Variants in TSPAN9 observed in about 807,000 individuals in gnomAD.
The protein encoded by TSPAN9 is tetraspanin-9.
TSPAN9 carries 16 observed loss-of-function variants against 31.0 expected under a neutral mutation model. That is an observed-to-expected ratio of 0.52 (90% CI 0.35 to 0.78). The LOEUF is 0.78. TSPAN9 is among the 30% of genes least tolerant of loss of function. The pLI, the probability that TSPAN9 is intolerant of heterozygous loss-of-function variation, is 0.01. For synonymous variants in TSPAN9, 145 were observed against 121.6 expected (o/e 1.19, Z -1.27); for missense variants, 272 against 312.5 (o/e 0.87, Z 0.98).
chr12:3,249,842 C>G (rs1300114217), intron 3 of TSPAN9, among the ~76,000 whole-genome samples: 1 of 152,164 alleles, frequency 6.6e-6, no homozygotes, highest in Non-Finnish European at 1.5e-5. Context: ...CTCCAAATCC[C>G]GCATGTTTTC....
intron 3 of TSPAN9, among the ~76,000 whole-genome samples, chr12:3,232,022 C>G (rs1313827521): frequency 6.6e-6 from 1 of 152,210 alleles, no homozygotes; most frequent in African/African-American, 2.4e-5. Context: ...GTCTGTAGGG[C>G]CTTCACCACG....
At chr12:3,182,118 C>T (rs1437314200) in intron 2 of TSPAN9, among the ~76,000 whole-genome samples, 1 of 152,030 alleles carries the variant, frequency 6.6e-6, no homozygotes, top group African/African-American at 2.4e-5. Flanking sequence ...CCTGGACCCC[C>T]GGCCCCCAGT....
At chr12:3,085,989 TAG>T (rs1456254758) in intron 2 of TSPAN9, among the ~76,000 whole-genome samples, 5 of 152,266 alleles carry the variant, frequency 3.3e-5, no homozygotes, top group Admixed American at 3.3e-4. Context: ...CTGTCCTGTG[TAG>T]ACGGCTCTGC....
At chr12:3,135,435 A>T (rs749122121) in intron 2 of TSPAN9, among the ~76,000 whole-genome samples, 10 of 152,094 alleles carry the variant, frequency 6.6e-5, no homozygotes, top group Middle Eastern at 6.8e-3. Context: ...TCCTTCCTTA[A>T]TCCCTGGGAG....
intron 3 of TSPAN9, among the ~76,000 whole-genome samples, chr12:3,224,562 G>A (rs2098386190): frequency 6.6e-6 from 1 of 152,252 alleles, no homozygotes; most frequent in Non-Finnish European, 1.5e-5. Context: ...TCCATGCTGG[G>A]GCAGCCCAGC....
rs2098365026 is a variant in TSPAN9, at chr12:3,192,612, G to C, written c.-17-8565G>C. Among the ~76,000 whole-genome samples, 1 of 152,156 alleles carries C rather than the reference G, an allele frequency of 6.6e-6. No individual in the cohort carries two copies. The highest frequency in any genetic ancestry group is 1.5e-5 in the Non-Finnish European group (1 of 68,024). ...GGTCAGTCCCTCCTGGAGCTGTCTG[G>C]GAGACAGCCAGGGGGATGACAAGCA... On this transcript the variant is annotated intron_variant, in intron 2 of 8. Transcript: ENST00000011898. This position sits in a 1 kb window ranked among gnomAD's most constrained non-coding sequence, Gnocchi z 4.6.
At chr12:3,203,520 T>TA (rs1424172801) in intron 3 of TSPAN9, among the ~76,000 whole-genome samples, 2 of 152,222 alleles carry the variant, frequency 1.3e-5, no homozygotes, top group African/African-American at 4.8e-5. Context: ...ATATTTTCGT[T>TA]ACGGTTGATA....
chr12:3,271,543 A>G (rs1862678040), intron 3 of TSPAN9, among the ~76,000 whole-genome samples: 1 of 78,688 alleles, frequency 1.3e-5, no homozygotes, highest in Non-Finnish European at 2.9e-5. Context: ...AGAGGTATGC[A>G]GAAAAAAAAA....
intron 2 of TSPAN9, among the ~76,000 whole-genome samples, chr12:3,189,007 G>T (rs946675277): frequency 5.3e-5 from 8 of 152,190 alleles, no homozygotes; most frequent in African/African-American, 1.9e-4. Context: ...GCAGAGGAGC[G>T]CGGGTGAGCT....
intron 2 of TSPAN9, among the ~76,000 whole-genome samples, chr12:3,177,969 C>T (rs2098356750): frequency 6.6e-6 from 1 of 152,156 alleles, no homozygotes; most frequent in African/African-American, 2.4e-5. Flanking sequence ...CGATGGGTCT[C>T]TGGGCAGATG....
chr12:3,234,668 G>A (rs1381529480), intron 3 of TSPAN9, among the ~76,000 whole-genome samples: 2 of 152,202 alleles, frequency 1.3e-5, no homozygotes, highest in African/African-American at 4.8e-5. Context: ...CAGAGTGGAA[G>A]CGTGGAGTGG....
intron 5 of TSPAN9, among the ~76,000 whole-genome samples, chr12:3,279,625 C>T (rs1180363924): frequency 2.0e-5 from 3 of 152,198 alleles, no homozygotes; most frequent in Admixed American, 6.5e-5. Context: ...CAGTCAAGAG[C>T]GAGGTTGGCC....
At chr12:3,102,684 G>T (rs1175447345) in intron 2 of TSPAN9, among the ~76,000 whole-genome samples, 1 of 152,010 alleles carries the variant, frequency 6.6e-6, no homozygotes, top group Non-Finnish European at 1.5e-5. Context: ...TGATCCGACC[G>T]CCTCGGCCTT....
chr12:3,206,594 GTTTT>G (rs113931308), intron 3 of TSPAN9, among the ~76,000 whole-genome samples: 1 of 145,150 alleles, frequency 6.9e-6, no homozygotes, highest in African/African-American at 2.5e-5. Flanking sequence ...GTTTTGTTTT[GTTTT>G]TTTTTTTCCT....
chr12:3,190,097 C>G (rs2098363536), intron 2 of TSPAN9, among the ~76,000 whole-genome samples: 1 of 152,190 alleles, frequency 6.6e-6, no homozygotes, highest in African/African-American at 2.4e-5. Flanking sequence ...CACACACTGC[C>G]TTCTTCCACA....
rs2098352595 is a variant in TSPAN9 at position 3,172,542 on chromosome 12, A to G, written c.-17-28635A>G. On this transcript the variant is annotated intron_variant, in intron 2 of 8. Transcript: ENST00000011898. This position sits in a 1 kb window ranked among gnomAD's most constrained non-coding sequence, Gnocchi z 4.8. ...GAGTCCCACCCTAGCGCATAGAATC[A>G]TAACCGCGGGGGTCTGGTCTGGGGT... 1 of 152,210 alleles carries G rather than the reference A, an allele frequency of 6.6e-6. No homozygotes were observed. Among genetic ancestry groups the G allele is most frequent in the South Asian group, 2.1e-4 (1 of 4,832 alleles). 9.4% of individuals were successfully genotyped at this position (152,210 alleles called of 1,614,324 possible).
At chr12:3,157,974 C>T (rs1232001978) in intron 2 of TSPAN9, among the ~76,000 whole-genome samples, 1 of 152,190 alleles carries the variant, frequency 6.6e-6, no homozygotes, top group African/African-American at 2.4e-5. Context: ...GTGTCTTTCT[C>T]CCCTTTTCCA....
chr12:3,247,141 G>A (rs181760815), intron 3 of TSPAN9, among the ~76,000 whole-genome samples: 4 of 152,158 alleles, frequency 2.6e-5, no homozygotes, highest in Non-Finnish European at 4.4e-5. Flanking sequence ...TTAAGAAGGT[G>A]TCTTGGGAAT....
intron 3 of TSPAN9, chr12:3,211,549 A>T: frequency 1.2e-6 from 1 of 865,840 alleles, no homozygotes; most frequent in Non-Finnish European, 1.8e-6. Context: ...ATTTTGGTTG[A>T]CCTTTCATTG....
Sources: gnomAD v4.1 joint callset for allele counts (sites outside exome capture counted in the v4.1 genomes callset) on GRCh38, gnomAD v4.1.1 for gene constraint, Gnocchi (gnomAD v3.1) non-coding constraint, MANE v1.5 for transcripts, NCBI Gene and HGNC (gene_info 2026-07-23, HGNC 2026-07-21) for gene names.